The following ADAM32 variants were observed in gnomAD, a reference collection of about 807,000 sequenced individuals.
ADAM32 encodes disintegrin and metalloproteinase domain-containing protein 32.
In ADAM32, 89 loss-of-function variants were observed where a neutral mutation model predicts 114.9. That is an observed-to-expected ratio of 0.77 (90% confidence interval 0.65 to 0.92). ADAM32 has a LOEUF of 0.92. Ranked by LOEUF, ADAM32 falls within the 40% of genes least tolerant of loss-of-function variation. The pLI is 0.00. For missense variants in ADAM32, 870 were observed against 932.8 expected (o/e 0.93, Z 0.88); for synonymous variants, 285 against 307.5 (o/e 0.93, Z 0.77).
At chr8:39,107,652 G>C, upstream of ADAM32, 1 of 1,504,372 alleles carries the variant, frequency 6.6e-7, no homozygotes, top group Non-Finnish European at 8.8e-7. Flanking sequence ...CCCGTCTCCG[G>C]GGCCTCCGGA....
chr8:39,198,872 C>T (rs1486033079), intron 11 of ADAM32, among the ~76,000 whole-genome samples: 1 of 151,934 alleles, frequency 6.6e-6, no homozygotes, highest in Non-Finnish European at 1.5e-5. Flanking sequence ...TTAGGATTCT[C>T]TTAAGCATTT....
intron 7 of ADAM32, among the ~76,000 whole-genome samples, chr8:39,161,516 C>T (rs563233090): frequency 2.6e-4 from 39 of 152,206 alleles, no homozygotes; most frequent in Admixed American, 2.1e-3. Context: ...AATTTCAGAA[C>T]GTTAGGGTGA....
intron 9 of ADAM32, 33 bp downstream of exon 9, chr8:39,165,229 A>C: frequency 7.3e-7 from 1 of 1,367,442 alleles, no homozygotes; most frequent in Non-Finnish European, 9.8e-7. Flanking sequence ...CCTAGAAAGA[A>C]AACAAAGACC....
At chr8:39,265,152 G>A (rs1449792658) in intron 19 of ADAM32, among the ~76,000 whole-genome samples, 1 of 152,122 alleles carries the variant, frequency 6.6e-6, no homozygotes, top group Non-Finnish European at 1.5e-5. Context: ...TAGGTCTCTA[G>A]GAACTTGTTT....
chr8:39,184,565 A>T (rs909444602), intron 10 of ADAM32, among the ~76,000 whole-genome samples: 2 of 152,218 alleles, frequency 1.3e-5, no homozygotes, highest in Non-Finnish European at 2.9e-5. Flanking sequence ...CTCAGAAACC[A>T]ATAAGCCCCA....
chr8:39,267,135 G>A (rs1359229712), intron 19 of ADAM32, among the ~76,000 whole-genome samples: 1 of 152,226 alleles, frequency 6.6e-6, no homozygotes, highest in African/African-American at 2.4e-5. Flanking sequence ...CGTGCAGGCA[G>A]GGTAGGTGGG....
At chr8:39,192,301 T>C in intron 11 of ADAM32, among the ~76,000 whole-genome samples, 1 of 152,180 alleles carries the variant, frequency 6.6e-6, no homozygotes, top group East Asian at 1.9e-4. Context: ...TCTTTGTCGG[T>C]TTAAAGTCTG....
At chr8:39,205,066 C>CG (rs1807725017) in intron 11 of ADAM32, among the ~76,000 whole-genome samples, 1 of 152,198 alleles carries the variant, frequency 6.6e-6, no homozygotes, top group South Asian at 2.1e-4. Flanking sequence ...TTAGGCTACT[C>CG]GGGGGTCAGG....
intron 2 of ADAM32, among the ~76,000 whole-genome samples, chr8:39,135,119 C>T (rs1802712567): frequency 6.6e-6 from 1 of 152,168 alleles, no homozygotes. Context: ...GGCGCCACTG[C>T]ACTCCAGCCT....
At chr8:39,234,253 C>T (rs955407144) in intron 16 of ADAM32, among the ~76,000 whole-genome samples, 171 bp downstream of exon 16, 2 of 151,802 alleles carry the variant, frequency 1.3e-5, no homozygotes, top group African/African-American at 2.4e-5. Context: ...ATGGGAACAT[C>T]GCACCCCACC....
chr8:39,240,465 G>A (rs955415740), intron 16 of ADAM32, among the ~76,000 whole-genome samples: 7 of 152,160 alleles, frequency 4.6e-5, no homozygotes, highest in African/African-American at 1.2e-4. Context: ...TGCCTACATC[G>A]AAAAGTCTGA....
At chr8:39,210,179 T>G (rs1265265424) in intron 11 of ADAM32, among the ~76,000 whole-genome samples, 1 of 152,170 alleles carries the variant, frequency 6.6e-6, no homozygotes, top group Non-Finnish European at 1.5e-5. Context: ...TTCAGCCTGG[T>G]GCTGTGTTTT....
chr8:39,279,789 T>C (rs770586208), intron 22 of ADAM32, among the ~76,000 whole-genome samples: 3 of 152,192 alleles, frequency 2.0e-5, no homozygotes, highest in African/African-American at 7.2e-5. Context: ...TCTTGATGTG[T>C]GAATTTTTGT....
intron 10 of ADAM32, among the ~76,000 whole-genome samples, chr8:39,177,328 T>A (rs1399481378): frequency 6.6e-6 from 1 of 152,196 alleles, no homozygotes; most frequent in African/African-American, 2.4e-5. Context: ...CCCAAAGTGC[T>A]TGAGTGATTA....
chr8:39,241,194 G>A (rs1810527936), intron 16 of ADAM32, among the ~76,000 whole-genome samples: 1 of 152,204 alleles, frequency 6.6e-6, no homozygotes, highest in Non-Finnish European at 1.5e-5. Flanking sequence ...CAAGAGGTGG[G>A]CTCCCACAGC....
chr8:39,221,539 A>T, intron 12 of ADAM32, 71 bp from the exon 13 acceptor site: 1 of 1,225,578 alleles, frequency 8.2e-7, no homozygotes, highest in Admixed American at 2.0e-5. Flanking sequence ...AGCCCATCAA[A>T]ATATAACTCC....
At chr8:39,158,919 T>G (rs1173479226) in intron 6 of ADAM32, among the ~76,000 whole-genome samples, 3 of 152,202 alleles carry the variant, frequency 2.0e-5, no homozygotes, top group Admixed American at 1.3e-4. Context: ...AGTATCATTC[T>G]TCTGGTTTCC....
intron 22 of ADAM32, among the ~76,000 whole-genome samples, chr8:39,278,109 A>G (rs1367164367): frequency 6.6e-6 from 1 of 152,126 alleles, no homozygotes; most frequent in Non-Finnish European, 1.5e-5. Context: ...ATGGGCAGGA[A>G]ATCTTCCCCT....
At chr8:39,246,227 A>G in intron 17 of ADAM32, 61 bp downstream of exon 17, 1 of 1,499,700 alleles carries the variant, frequency 6.7e-7, no homozygotes, top group South Asian at 1.2e-5. Context: ...ATCACTCATT[A>G]ATTTACTGAC....
Sources: allele counts gnomAD v4.1 joint callset (sites outside exome capture counted in the v4.1 genomes callset), GRCh38; gene constraint gnomAD v4.1.1; transcripts MANE v1.5; gene names NCBI Gene and HGNC (gene_info 2026-07-23, HGNC 2026-07-21).